KCNU1: variants seen among roughly 807,000 people sequenced by gnomAD.
KCNU1 encodes the protein potassium channel subfamily U member 1.
A neutral mutation model predicts 126.8 loss-of-function variants in KCNU1; 93 were observed. That is an observed-to-expected ratio of 0.73 (90% CI 0.62 to 0.87). The LOEUF (loss-of-function observed/expected upper bound fraction) is 0.87, where lower values mean the gene tolerates loss of function less well. Ranked by LOEUF, KCNU1 falls within the 40% of genes least tolerant of loss-of-function variation. The pLI, the probability that KCNU1 is intolerant of heterozygous loss-of-function variation, is 0.00. For synonymous variants in KCNU1, 523 were observed against 494.2 expected (o/e 1.06, Z -0.77); for missense variants, 1,330 against 1,367.1 (o/e 0.97, Z 0.43).
chr8:36,863,862 T>C (rs574998308), intron 18 of KCNU1, among the ~76,000 whole-genome samples: 2 of 152,226 alleles, frequency 1.3e-5, no homozygotes, highest in Non-Finnish European at 2.9e-5. Flanking sequence ...GGAGAGAAAA[T>C]GATTTCTTTT....
intron 19 of KCNU1, among the ~76,000 whole-genome samples, chr8:36,878,887 T>G (rs1189562502): frequency 6.8e-6 from 1 of 147,756 alleles, no homozygotes; most frequent in African/African-American, 2.5e-5. Flanking sequence ...TATAAATATA[T>G]AATACATTTT....
chr8:36,811,323 A>C (rs1355874048), intron 7 of KCNU1, among the ~76,000 whole-genome samples: 2 of 152,134 alleles, frequency 1.3e-5, no homozygotes, highest in Non-Finnish European at 2.9e-5. Flanking sequence ...AATTCTAATC[A>C]TATATTGGAG....
intron 19 of KCNU1, among the ~76,000 whole-genome samples, chr8:36,893,490 A>G (rs143408817): frequency 9.6e-4 from 146 of 152,228 alleles, no homozygotes; most frequent in African/African-American, 3.1e-3. Context: ...GGGAGCTGCT[A>G]GAAAGCTCAA....
Position 36,910,946 on chromosome 8 carries a change from C to A in KCNU1, c.2348C>A (p.Ser783Tyr), listed in dbSNP as rs1326640343. The A allele has an allele frequency of 6.2e-7, 1 of 1,611,422 alleles. No homozygotes were observed. The highest frequency in any genetic ancestry group is 8.5e-7 in the Non-Finnish European group (1 of 1,178,396). Residue 783 changes from serine (S) to tyrosine (Y), a missense_variant, in exon 22 of 27, where the codon TCT becomes TAT. Ser to Tyr is a moderately radical substitution (Grantham distance 144). Transcript: ENST00000399881. Reference protein sequence around the residue: ...IYILPGCALYSGDLHAANIEQ... With the variant: ...IYILPGCALYYGDLHAANIEQ... ...TCTCATTAGGGATGTGCACTTTATT[C>A]TGGAGACCTCCATGCGGCCAACATA...
intron 19 of KCNU1, chr8:36,888,726 T>C: frequency 1.9e-6 from 1 of 534,488 alleles, no homozygotes; most frequent in Non-Finnish European, 3.8e-6. Context: ...GAAAGCATCT[T>C]CACAAAAGAA....
intron 4 of KCNU1, among the ~76,000 whole-genome samples, chr8:36,805,533 T>A (rs569499434): frequency 6.6e-6 from 1 of 152,324 alleles, no homozygotes; most frequent in African/African-American, 2.4e-5. Context: ...ATCATCGTGT[T>A]CCCATGGCCT....
chr8:36,808,138 G>A lies in KCNU1; in HGVS notation c.657-580G>A, dbSNP rs536791523. Among the ~76,000 whole-genome samples the A allele has an allele frequency of 4.6e-5, 7 of 152,192 alleles. No homozygotes were observed. The South Asian group carries it at 1.0e-3, about 23-fold the overall frequency. ...GGAGGAAAGCCTGGTCCTGTGTGAC[G>A]GGTGGTCCTGCCTGAAAACCAGAGA... On this transcript the variant is annotated intron_variant, in intron 6 of 26. Coordinates refer to ENST00000399881, the MANE Select transcript of KCNU1 (RefSeq NM_001031836.3).
intron 18 of KCNU1, among the ~76,000 whole-genome samples, chr8:36,860,829 A>G (rs1805702543): frequency 6.6e-6 from 1 of 152,224 alleles, no homozygotes; most frequent in Non-Finnish European, 1.5e-5. Flanking sequence ...AGGAAAAAAA[A>G]TGACAAGAAA....
intron 18 of KCNU1, among the ~76,000 whole-genome samples, chr8:36,848,482 G>C (rs1326826212): frequency 1.3e-5 from 2 of 152,158 alleles, no homozygotes. Context: ...AAGGGGCCTA[G>C]TTTCATTCTT....
intron 18 of KCNU1, among the ~76,000 whole-genome samples, chr8:36,849,311 A>G (rs1259470966): frequency 6.6e-6 from 1 of 152,136 alleles, no homozygotes; most frequent in Non-Finnish European, 1.5e-5. Flanking sequence ...CATTTCAGCT[A>G]GGCACAGTGG....
At chr8:36,808,881 T>C in intron 7 of KCNU1, 88 bp downstream of exon 7, 1 of 881,854 alleles carries the variant, frequency 1.1e-6, no homozygotes. Flanking sequence ...TGAGCCCCTG[T>C]CTCCATCACT....
At chr8:36,879,205 G>A (rs1256382169) in intron 19 of KCNU1, among the ~76,000 whole-genome samples, 5 of 58,386 alleles carry the variant, frequency 8.6e-5, no homozygotes, top group African/African-American at 1.7e-4. Context: ...GTGTGTGTGT[G>A]TGTGTGTATA....
intron 9 of KCNU1, among the ~76,000 whole-genome samples, chr8:36,815,899 A>T (rs761414616): frequency 6.6e-6 from 1 of 152,244 alleles, no homozygotes; most frequent in Non-Finnish European, 1.5e-5. Context: ...GATGCTCATA[A>T]GAAAACTAAA....
At chr8:36,831,866 T>A (rs1235566453) in intron 10 of KCNU1, among the ~76,000 whole-genome samples, 2 of 151,754 alleles carry the variant, frequency 1.3e-5, no homozygotes, top group Non-Finnish European at 2.9e-5. Context: ...ATGCCTAGGT[T>A]TTCTTCTAGG....
At position 36,846,217 on chromosome 8, in the gene KCNU1, C is replaced by T. The variant is rs538475166; in HGVS notation, c.1891+318C>T. On this transcript the variant is annotated intron_variant, in intron 18 of 26. Coordinates refer to ENST00000399881, the MANE Select transcript of KCNU1 (RefSeq NM_001031836.3). ...AGGCATGCTGACTTTCAGCCCATTG[C>T]TTTTTCATGATTTCACAGTTTTTCA... 3.9e-3 allele frequency among the ~76,000 whole-genome samples: 599 copies of T among 152,330 alleles called. 1 individual carries two copies. The highest frequency in any genetic ancestry group is 6.9e-3 in the Non-Finnish European group (472 of 68,026).
In KCNU1 at chr8:36,807,445, G is replaced by C; in HGVS notation, c.651G>C (p.Lys217Asn). The C allele has an allele frequency of 1.2e-6, 2 of 1,611,374 alleles. No individual in the cohort carries two copies. The highest frequency in any genetic ancestry group is 1.7e-6 in the Non-Finnish European group (2 of 1,177,672). Residue 217 changes from lysine (K) to asparagine (N), a missense_variant, in exon 6 of 27, where the codon AAG (lysine) becomes AAC (asparagine). By Grantham distance (94) the Lys-to-Asn change is moderately conservative. Transcript: ENST00000399881. ...PQILQILRAI[K>N]TSNSVKFSKL... ...TCTTGCAAATTCTACGAGCCATCAA[G>C]ACCAGGTAAATAGCCCTGACCGAAG...
At chr8:36,897,168 C>T (rs1313950630) in intron 19 of KCNU1, among the ~76,000 whole-genome samples, 1 of 151,708 alleles carries the variant, frequency 6.6e-6, no homozygotes, top group Non-Finnish European at 1.5e-5. Flanking sequence ...ATTTTATTGC[C>T]AAAAGCTGTG....
chr8:36,862,214 A>G (rs1805757374), intron 18 of KCNU1, among the ~76,000 whole-genome samples: 1 of 152,206 alleles, frequency 6.6e-6, no homozygotes. Flanking sequence ...ATAGATAGAT[A>G]GAAAAAATAT....
rs762436504 is a variant in KCNU1, at chr8:36,888,580, G to A, written c.2010-17128G>A. The stretch of plus-strand genomic sequence containing the variant: ...GGCTGTGCCTGGAAGTGGAGCAGAA[G>A]ATGCTCAGTAAGACAACAGGGAACA... On this transcript the variant is annotated intron_variant, in intron 19 of 26. Coordinates refer to ENST00000399881, the MANE Select transcript of KCNU1 (RefSeq NM_001031836.3). The A allele has an allele frequency of 7.5e-6, 4 of 533,928 alleles. No individual in the cohort carries two copies. The East Asian group carries it at 2.2e-4, about 29-fold the overall frequency. 33.1% of individuals were successfully genotyped at this position (533,928 alleles called of 1,614,324 possible). A position where few individuals can be genotyped will look rare whatever the true frequency, so the allele number is the denominator to read the frequency against.
Sources: allele counts gnomAD v4.1 joint callset (sites outside exome capture counted in the v4.1 genomes callset), GRCh38; gene constraint gnomAD v4.1.1; transcripts MANE v1.5; gene names NCBI Gene and HGNC (gene_info 2026-07-23, HGNC 2026-07-21).